Variants in LRP1B observed in about 807,000 individuals in gnomAD.
The protein encoded by LRP1B is low-density lipoprotein receptor-related protein 1B.
LRP1B carries 217 observed loss-of-function variants against 556.6 expected under a neutral mutation model. The observed-to-expected ratio is 0.39, with a 90% CI of 0.35 to 0.44. The LOEUF is 0.44. LRP1B is among the 20% of genes least tolerant of loss of function. The probability of loss-of-function intolerance (pLI) is 1.00; values close to 1 mark genes in which losing one functional copy is unlikely to be tolerated. For synonymous variants in LRP1B, 2,047 were observed against 1,865.8 expected (o/e 1.10, Z -2.50); for missense variants, 5,053 against 5,620.8 (o/e 0.90, Z 3.23).
intron 31 of LRP1B, among the ~76,000 whole-genome samples, chr2:140,828,863 C>T (rs1475837068): frequency 2.0e-5 from 3 of 149,484 alleles, no homozygotes; most frequent in Admixed American, 1.3e-4. Context: ...TTTATTTAGG[C>T]TATATGCTAC....
intron 46 of LRP1B, among the ~76,000 whole-genome samples, chr2:140,535,442 C>G (rs79962949): frequency 6.6e-6 from 1 of 152,054 alleles, no homozygotes; most frequent in African/African-American, 2.4e-5. Flanking sequence ...TCATTTTAAA[C>G]GATGGTGTGT....
At chr2:141,263,084 T>C (rs1474109538) in intron 3 of LRP1B, among the ~76,000 whole-genome samples, 1 of 152,028 alleles carries the variant, frequency 6.6e-6, no homozygotes, top group East Asian at 1.9e-4. Flanking sequence ...TCCCTGCATA[T>C]AGCTCTTCTA....
chr2:141,440,670 G>A (rs973237504), intron 3 of LRP1B, among the ~76,000 whole-genome samples: 7 of 152,178 alleles, frequency 4.6e-5, no homozygotes, highest in Middle Eastern at 3.2e-3. Flanking sequence ...TTTTAACAGT[G>A]GAACTAAATC....
At chr2:141,045,466 A>G in intron 11 of LRP1B, among the ~76,000 whole-genome samples, 1 of 151,784 alleles carries the variant, frequency 6.6e-6, no homozygotes, top group East Asian at 1.9e-4. Flanking sequence ...AAAAAGAAAG[A>G]GCATCTATCT....
At chr2:141,556,395 G>A (rs1428696960) in intron 2 of LRP1B, among the ~76,000 whole-genome samples, 1 of 151,922 alleles carries the variant, frequency 6.6e-6, no homozygotes, top group East Asian at 1.9e-4. Flanking sequence ...CACTGTTAGT[G>A]AAATTTAATC....
intron 18 of LRP1B, among the ~76,000 whole-genome samples, chr2:140,966,893 T>C (rs1192156783): frequency 2.6e-5 from 4 of 152,176 alleles, no homozygotes; most frequent in African/African-American, 7.2e-5. Context: ...TTCTGTTCCA[T>C]TGGTCTGTAT....
At chr2:142,067,471 T>C (rs1456200720) in intron 1 of LRP1B, among the ~76,000 whole-genome samples, 11 of 151,572 alleles carry the variant, frequency 7.3e-5, no homozygotes. Context: ...AGCAGCATGT[T>C]CTTTGAAAAA....
intron 1 of LRP1B, among the ~76,000 whole-genome samples, chr2:141,863,362 T>A (rs12993061): frequency 0.19 from 28,546 of 152,036 alleles, 3,221 homozygotes; most frequent in East Asian, 0.33. Flanking sequence ...GTATATGACA[T>A]CATTTCTGAT....
chr2:140,585,515 AAT>A (rs1469239700), intron 43 of LRP1B, among the ~76,000 whole-genome samples: 1 of 152,128 alleles, frequency 6.6e-6, no homozygotes, highest in African/African-American at 2.4e-5. Flanking sequence ...TGTGTTATAA[AAT>A]ATATATCAAA....
At chr2:140,233,707 C>T (rs1486185294) in intron 90 of LRP1B, among the ~76,000 whole-genome samples, 1 of 151,192 alleles carries the variant, frequency 6.6e-6, no homozygotes, top group Non-Finnish European at 1.5e-5. Context: ...TATTACAAGC[C>T]TATCCGTGGC....
intron 41 of LRP1B, among the ~76,000 whole-genome samples, chr2:140,674,426 C>T (rs190183769): frequency 3.5e-4 from 54 of 152,198 alleles, no homozygotes; most frequent in African/African-American, 1.3e-3. Flanking sequence ...CTATGAGACT[C>T]CATCTACATA....
chr2:140,371,910 G>A (rs142803131), intron 69 of LRP1B, among the ~76,000 whole-genome samples: 46 of 152,052 alleles, frequency 3.0e-4, no homozygotes, highest in East Asian at 1.9e-4. Flanking sequence ...TTATGATGCC[G>A]AAATTAAGAA....
chr2:140,598,051 T>C (rs1325778260), intron 43 of LRP1B, among the ~76,000 whole-genome samples: 1 of 152,142 alleles, frequency 6.6e-6, no homozygotes, highest in Non-Finnish European at 1.5e-5. Flanking sequence ...GGGGGCGCCC[T>C]AGCATCTCAC....
intron 32 of LRP1B, among the ~76,000 whole-genome samples, chr2:140,811,708 A>G (rs2105031492): frequency 6.6e-6 from 1 of 152,250 alleles, no homozygotes; most frequent in East Asian, 1.9e-4. Flanking sequence ...GACATAAGAC[A>G]AAATATTATT....
intron 2 of LRP1B, among the ~76,000 whole-genome samples, chr2:141,560,562 T>C (rs1238223646): frequency 7.3e-6 from 1 of 136,322 alleles, no homozygotes; most frequent in Non-Finnish European, 1.6e-5. Context: ...TAGGCCTAAG[T>C]CTAGATGAAA....
intron 1 of LRP1B, among the ~76,000 whole-genome samples, chr2:142,064,062 G>T (rs1302912061): frequency 6.6e-6 from 1 of 151,506 alleles, no homozygotes; most frequent in Non-Finnish European, 1.5e-5. Flanking sequence ...ATGCTTTGAA[G>T]AAAAATGTTT....
rs1431929780 is a variant in LRP1B, at chr2:140,748,382, TTC to T, written c.5758+20829_5758+20830del. On this transcript the variant is annotated intron_variant, in intron 35 of 90. Coordinates refer to ENST00000389484, the MANE Select transcript of LRP1B (RefSeq NM_018557.3). Reference sequence around the variant, plus strand: ...ATATATATTTATATATGTATATATATTCATATATTATATTCATATATTATATT... The same window carrying T: ...ATATATATTTATATATGTATATATATATATATTATATTCATATATTATATT... Among the ~76,000 whole-genome samples, 22 of 22,584 alleles carry T rather than the reference TTC, an allele frequency of 9.7e-4. 1 individual carries two copies. Among genetic ancestry groups the T allele is most frequent in the South Asian group, 3.2e-3 (2 of 622 alleles). The allele number at this position is 22,584 out of a possible 152,430, so 14.8% of individuals were successfully genotyped here. A position where few individuals can be genotyped will look rare whatever the true frequency, so the allele number is the denominator to read the frequency against.
intron 77 of LRP1B, among the ~76,000 whole-genome samples, chr2:140,345,418 T>C (rs758305810): frequency 2.6e-5 from 4 of 151,424 alleles, no homozygotes; most frequent in African/African-American, 4.8e-5. Flanking sequence ...TGTACCTCTA[T>C]ATCTTCTTAT....
chr2:141,235,343 C>CT (rs1157988529), intron 5 of LRP1B, among the ~76,000 whole-genome samples: 1 of 151,858 alleles, frequency 6.6e-6, no homozygotes, highest in African/African-American at 2.4e-5. Context: ...ACGATACAAT[C>CT]AAGTAGAAAG....
Sources: gnomAD v4.1 joint callset for allele counts (sites outside exome capture counted in the v4.1 genomes callset) on GRCh38, gnomAD v4.1.1 for gene constraint, MANE v1.5 for transcripts, NCBI Gene and HGNC (gene_info 2026-07-23, HGNC 2026-07-21) for gene names.